The following BMPR1A variants were observed in gnomAD, a reference collection of about 807,000 sequenced individuals.
BMPR1A encodes bone morphogenetic protein receptor type 1A.
BMPR1A carries 7 observed loss-of-function variants against 66.0 expected under a neutral mutation model. The observed-to-expected ratio is 0.11, with a 90% confidence interval of 0.06 to 0.20. The LOEUF is 0.20. Ranked by LOEUF, BMPR1A falls within the 10% of genes least tolerant of loss-of-function variation. BMPR1A has a pLI of 1.00. For missense variants in BMPR1A, 408 were observed against 669.1 expected (o/e 0.61, Z 4.31); for synonymous variants, 200 against 229.7 (o/e 0.87, Z 1.17).
intron 1 of BMPR1A, among the ~76,000 whole-genome samples, chr10:86,773,895 G>T (rs1841305663): frequency 6.7e-6 from 1 of 148,784 alleles, no homozygotes; most frequent in Non-Finnish European, 1.5e-5. Flanking sequence ...TCTGTCGCCA[G>T]GCTGGAGTGA....
At chr10:86,794,909 T>A (rs1841683901) in intron 1 of BMPR1A, among the ~76,000 whole-genome samples, 1 of 151,660 alleles carries the variant, frequency 6.6e-6, no homozygotes. Context: ...TGGAGTGCAA[T>A]GGTGCCATCT....
chr10:86,883,235 T>C (rs1347190167), intron 3 of BMPR1A, among the ~76,000 whole-genome samples: 1 of 152,056 alleles, frequency 6.6e-6, no homozygotes, highest in Non-Finnish European at 1.5e-5. Context: ...ATGCCTGTAA[T>C]CACAGCATTT....
intron 1 of BMPR1A, among the ~76,000 whole-genome samples, chr10:86,762,737 A>G (rs145383106): frequency 6.6e-6 from 1 of 152,140 alleles, no homozygotes; most frequent in African/African-American, 2.4e-5. Context: ...TTATGTTAAG[A>G]TCTACAAAAA....
At chr10:86,841,698 A>C (rs1456256278) in intron 2 of BMPR1A, among the ~76,000 whole-genome samples, 1 of 152,154 alleles carries the variant, frequency 6.6e-6, no homozygotes, top group Admixed American at 6.5e-5. Context: ...ACAGCCCCCT[A>C]GGTAGCTTTA....
intron 1 of BMPR1A, among the ~76,000 whole-genome samples, chr10:86,808,010 A>G (rs1230130276): frequency 1.3e-5 from 2 of 152,078 alleles, no homozygotes; most frequent in Non-Finnish European, 2.9e-5. Context: ...CAGGCAATCC[A>G]CCCACCTCAG....
At chr10:86,848,161 G>T (rs375013971) in intron 2 of BMPR1A, among the ~76,000 whole-genome samples, 1 of 152,038 alleles carries the variant, frequency 6.6e-6, no homozygotes, top group South Asian at 2.1e-4. Context: ...TTGAACTCCC[G>T]ACCTCAAGGC....
intron 9 of BMPR1A, 66 bp downstream of exon 9, chr10:86,917,392 C>T: frequency 6.4e-7 from 1 of 1,568,096 alleles, no homozygotes; most frequent in South Asian, 1.1e-5. Flanking sequence ...GTGGAAGCCT[C>T]CATATGTGCT....
intron 1 of BMPR1A, among the ~76,000 whole-genome samples, chr10:86,834,623 G>A (rs997374106): frequency 1.3e-5 from 2 of 152,084 alleles, no homozygotes; most frequent in African/African-American, 4.8e-5. Flanking sequence ...AATTTAGAAC[G>A]CAACCCATTC....
rs1271173012 is a variant in BMPR1A, at chr10:86,927,825, C to T, written c.*4106C>T. 1.5e-5 allele frequency: 3 copies of T among 197,356 alleles called. No individual in the cohort carries two copies. The highest frequency in any genetic ancestry group is 4.6e-5 in the African/African-American group (2 of 43,272). 12.2% of individuals were successfully genotyped at this position (197,356 alleles called of 1,614,324 possible). A position where few individuals can be genotyped will look rare whatever the true frequency, so the allele number is the denominator to read the frequency against. The stretch of plus-strand genomic sequence containing the variant: ...TTGTAAAACACCAAAAATATAGATT[C>T]GTCTTTGACGTGTAACACACTAAAT... On this transcript the variant is annotated 3_prime_UTR_variant, in exon 13 of 13. Coordinates refer to ENST00000372037, the MANE Select transcript of BMPR1A (RefSeq NM_004329.3).
At chr10:86,824,091 G>GTGTGTGTGTGTGTGTGTA (rs1264360619) in intron 1 of BMPR1A, among the ~76,000 whole-genome samples, 1 of 150,662 alleles carries the variant, frequency 6.6e-6, no homozygotes, top group African/African-American at 2.4e-5. Context: ...TTGTGTGTGT[G>GTGTGTGTGTGTGTGTGTA]TGTGTGTGTG....
chr10:86,797,126 G>A (rs1269927806), intron 1 of BMPR1A, among the ~76,000 whole-genome samples: 18 of 143,528 alleles, frequency 1.3e-4, no homozygotes, highest in East Asian at 2.1e-4. Context: ...GTGCAGTGGC[G>A]CGATCTCTGC....
rs534712307 is a variant in BMPR1A at position 86,782,269 on chromosome 10, T to C, written c.-268+25350T>C. 7.9e-5 allele frequency among the ~76,000 whole-genome samples: 12 copies of C among 152,322 alleles called. No individual in the cohort carries two copies. The South Asian group carries it at 2.1e-3, about 26-fold the overall frequency. On this transcript the variant is annotated intron_variant, in intron 1 of 12. Transcript: ENST00000372037. ...AGTTAATTACACGTTTTGGCTATTG[T>C]AGTGAATAGTGCTGCAGTGGACAAG...
At chr10:86,865,812 C>T (rs1036932718) in intron 2 of BMPR1A, among the ~76,000 whole-genome samples, 1 of 152,314 alleles carries the variant, frequency 6.6e-6, no homozygotes, top group African/African-American at 2.4e-5. Context: ...GACATTATTC[C>T]AACCAAAAAG....
intron 1 of BMPR1A, among the ~76,000 whole-genome samples, chr10:86,763,217 G>A (rs1326276204): frequency 6.6e-6 from 1 of 152,142 alleles, no homozygotes; most frequent in Admixed American, 6.6e-5. Flanking sequence ...AAAGTGAGCA[G>A]TTTTTGCAGC....
intron 1 of BMPR1A, among the ~76,000 whole-genome samples, chr10:86,819,845 G>A (rs967871834): frequency 3.3e-5 from 5 of 152,086 alleles, no homozygotes; most frequent in African/African-American, 9.7e-5. Context: ...AATAATAAAC[G>A]ATTTTTCCAA....
At chr10:86,803,939 T>C (rs1291905567) in intron 1 of BMPR1A, among the ~76,000 whole-genome samples, 1 of 152,194 alleles carries the variant, frequency 6.6e-6, no homozygotes, top group African/African-American at 2.4e-5. Flanking sequence ...ACAAGTCTTC[T>C]TTTTTGACTT....
Position 86,900,020 on chromosome 10 carries a change from T to C in BMPR1A, c.431-7T>C, listed in dbSNP as rs1843285734. The C allele has an allele frequency of 6.2e-7, 1 of 1,614,182 alleles. No individual in the cohort carries two copies. Among genetic ancestry groups the C allele is most frequent in the South Asian group, 1.1e-5 (1 of 91,086 alleles). Reference sequence around the variant, plus strand: ...CAATTGTTTACATTGTTTACTTTTATTGTCAGGTCCGTTTTTTGATGGCAG... The same window carrying C: ...CAATTGTTTACATTGTTTACTTTTACTGTCAGGTCCGTTTTTTGATGGCAG... On this transcript the variant is annotated splice_polypyrimidine_tract_variant and splice_region_variant and intron_variant, in intron 6 of 12. Coordinates refer to ENST00000372037, the MANE Select transcript of BMPR1A (RefSeq NM_004329.3).
intron 1 of BMPR1A, among the ~76,000 whole-genome samples, chr10:86,767,581 G>T (rs1042719262): frequency 3.9e-5 from 6 of 152,176 alleles, no homozygotes; most frequent in African/African-American, 1.4e-4. Context: ...AGGAAGCTGA[G>T]GTGGGGGGAT....
intron 8 of BMPR1A, 65 bp downstream of exon 8, chr10:86,912,449 G>T: frequency 6.3e-7 from 1 of 1,584,624 alleles, no homozygotes; most frequent in African/African-American, 1.3e-5. Context: ...CATGATGGTG[G>T]ACAGTATAAT....
Sources: allele counts gnomAD v4.1 joint callset (sites outside exome capture counted in the v4.1 genomes callset), GRCh38; gene constraint gnomAD v4.1.1; transcripts MANE v1.5; gene names NCBI Gene and HGNC (gene_info 2026-07-23, HGNC 2026-07-21).